The following RPL13A variants were observed in gnomAD, a reference collection of about 807,000 sequenced individuals.
RPL13A encodes large ribosomal subunit protein uL13.
In RPL13A, 4 loss-of-function variants were observed where a neutral mutation model predicts 30.8. That is an observed-to-expected ratio of 0.13 (90% CI 0.06 to 0.30). The LOEUF is 0.30. Ranked by LOEUF, RPL13A falls within the 10% of genes least tolerant of loss-of-function variation. The pLI is 1.00. For synonymous variants in RPL13A, 108 were observed against 104.2 expected (o/e 1.04, Z -0.22); for missense variants, 196 against 272.6 (o/e 0.72, Z 1.98).
chr19:49,490,660 A>G (rs755223422), intron 4 of RPL13A, 84 bp downstream of exon 4: 6 of 1,575,246 alleles, frequency 3.8e-6, no homozygotes, highest in Non-Finnish European at 4.4e-6. Context: ...GAGTTTCCCG[A>G]CCATGAGATG....
rs1267347743 is a variant in RPL13A, at chr19:49,490,489, T to C, written c.169T>C (p.Phe57Leu). 1 of 1,614,200 alleles carries C rather than the reference T, an allele frequency of 6.2e-7. No individual in the cohort carries two copies. The highest frequency in any genetic ancestry group is 1.7e-5 in the Admixed American group (1 of 60,026). The change falls in exon 4 of 8, where the codon TTC (phenylalanine) becomes CTC (leucine). Residue 57 changes from phenylalanine to leucine, a missense_variant. By Grantham distance (22) the Phe-to-Leu change is conservative. Transcript: ENST00000391857. ...CCTCTCCCTAGTGAAGTACCTGGCT[T>C]TCCTCCGCAAGCGGATGAACACCAA... The part of the protein sequence containing the change: ...FYRNKLKYLA[F>L]LRKRMNTNPS...
Position 49,489,937 on chromosome 19 carries a change from G to T in RPL13A, c.88+15G>T, listed in dbSNP as rs368847136. On this transcript the variant is annotated intron_variant, in intron 2 of 7. Transcript: ENST00000391857. ...GGTACTGCTGGGTAAGTCGCTGCTC[G>T]TGGCCCCTCTGTCATGGGCCCCCGC... The T allele has an allele frequency of 2.1e-5, 33 of 1,607,576 alleles. No homozygotes were observed. The highest frequency in any genetic ancestry group is 2.8e-5 in the Non-Finnish European group (33 of 1,174,558).
Position 49,491,580 on chromosome 19 carries a change from C to T in RPL13A, c.525+33C>T. The T allele has an allele frequency of 1.9e-6, 3 of 1,554,850 alleles. No homozygotes were observed. In the South Asian group the frequency reaches 3.5e-5, roughly 18 times the overall value. On this transcript the variant is annotated intron_variant, in intron 7 of 7. Transcript: ENST00000391857. ...CAGGGGCTGGTGCTGAGGGGGGCAT[C>T]TCACTCCTGGACAGGCCTGGCAGGT...
At chr19:49,490,206 C>T (rs143985962) in intron 2 of RPL13A, 26 bp from the exon 3 acceptor site, 4 of 1,612,840 alleles carry the variant, frequency 2.5e-6, no homozygotes, top group South Asian at 2.2e-5. Flanking sequence ...GCGGCTCGGC[C>T]CTGCTAAGCC....
At chr19:49,491,312 T>TA (rs1321445880) in intron 6 of RPL13A, 113 bp from the exon 7 acceptor site, 1 of 1,185,712 alleles carries the variant, frequency 8.4e-7, no homozygotes, top group African/African-American at 1.5e-5. Flanking sequence ...TGCATTATGA[T>TA]ATGCCCAGCT....
At chr19:49,491,188 C>T (rs772802653) in intron 6 of RPL13A, 89 bp downstream of exon 6, 8 of 1,447,336 alleles carry the variant, frequency 5.5e-6, no homozygotes, top group Non-Finnish European at 7.7e-6. Flanking sequence ...AGATGATGTC[C>T]TTATCTCACG....
intron 3 of RPL13A, 29 bp downstream of exon 3, chr19:49,490,326 A>G: frequency 1.2e-6 from 2 of 1,610,804 alleles, no homozygotes; most frequent in East Asian, 2.2e-5. Context: ...GGAGCACTGG[A>G]GAGGGTCTCC....
intron 1 of RPL13A, among the ~76,000 whole-genome samples, chr19:49,489,604 G>A (rs992332103): frequency 2.0e-5 from 3 of 152,220 alleles, no homozygotes; most frequent in African/African-American, 7.2e-5. Context: ...AATACTCATA[G>A]AAGAACTCAG....
In RPL13A at chr19:49,491,891, G is replaced by A. The variant is rs1568689338; in HGVS notation, c.*76G>A. On this transcript the variant is annotated 3_prime_UTR_variant, in exon 8 of 8. Coordinates refer to ENST00000391857, the MANE Select transcript of RPL13A (RefSeq NM_012423.4). Reference sequence around the variant, plus strand: ...GTTGCCCTGGAATGTACGGGACCCAGGGGCAGCAGCAGTCCAGGTGCCACA... The same window carrying A: ...GTTGCCCTGGAATGTACGGGACCCAAGGGCAGCAGCAGTCCAGGTGCCACA... The A allele has an allele frequency of 4.1e-6, 5 of 1,219,268 alleles. No homozygotes were observed. The East Asian group carries it at 7.3e-5, about 18-fold the overall frequency. 75.5% of individuals were successfully genotyped at this position (1,219,268 alleles called of 1,614,324 possible).
chr19:49,490,903 G>A (rs1192184395), intron 5 of RPL13A, 39 bp downstream of exon 5: 3 of 1,611,922 alleles, frequency 1.9e-6, no homozygotes, highest in African/African-American at 2.7e-5. Context: ...GGCCTTACCT[G>A]TGGCGTCCAT....
rs2079862721 is a variant in RPL13A, at chr19:49,491,053, T to C, written c.356T>C (p.Val119Ala). ...TTTCTCTAACAGAAAAAGCGGATGGTGGTTCCTGCTGCCCTCAAGGTCGTG... is the reference window on the plus strand; with the variant it reads ...TTTCTCTAACAGAAAAAGCGGATGGCGGTTCCTGCTGCCCTCAAGGTCGTG... ...PPPYDKKKRM[V>A]VPAALKVVRL... The change falls in exon 6 of 8, where the codon GTG becomes GCG. Residue 119 changes from valine to alanine, a missense_variant. Physicochemically the swap from Val to Ala is moderately conservative, Grantham distance 64 (BLOSUM62 0). Coordinates refer to ENST00000391857, the MANE Select transcript of RPL13A (RefSeq NM_012423.4). The C allele has an allele frequency of 6.2e-7, 1 of 1,614,114 alleles. No individual in the cohort carries two copies. The highest frequency in any genetic ancestry group is 1.7e-5 in the Admixed American group (1 of 60,010).
In RPL13A at chr19:49,491,830, G is replaced by C. The variant is rs748359722; in HGVS notation, c.*15G>C. ...TCCTGGTCTGAGCCCAATAAAGACT[G>C]TTAATTCCTCATGCGTTGCCTGCCC... On this transcript the variant is annotated 3_prime_UTR_variant, in exon 8 of 8. Coordinates refer to ENST00000391857, the MANE Select transcript of RPL13A (RefSeq NM_012423.4). 6.3e-7 allele frequency: 1 copy of C among 1,582,386 alleles called. No individual in the cohort carries two copies. The highest frequency in any genetic ancestry group is 8.6e-7 in the Non-Finnish European group (1 of 1,159,290).
At chr19:49,491,385 TACAACTTCATTTGTTCA>T in intron 6 of RPL13A, 23 bp from the exon 7 acceptor site, 2 of 1,230,766 alleles carry the variant, frequency 1.6e-6, no homozygotes, top group South Asian at 1.2e-5. Context: ...TAGATATCCT[TACAACTTCATTTGTTCA>T]CCCCCCCCCC....
chr19:49,491,353 G>A (rs953357523), intron 6 of RPL13A, 72 bp from the exon 7 acceptor site: 67 of 1,392,706 alleles, frequency 4.8e-5, no homozygotes, highest in Middle Eastern at 2.0e-4. Context: ...CAACAGCTCC[G>A]GCTCTTCAGG....
intron 1 of RPL13A, 134 bp from the exon 2 acceptor site, chr19:49,489,716 C>T: frequency 2.7e-6 from 2 of 752,090 alleles, no homozygotes; most frequent in East Asian, 2.5e-5. Flanking sequence ...GGGCTCCGTG[C>T]ATAGTTCCCA....
In RPL13A at chr19:49,491,718, A is replaced by G; in HGVS notation, c.526-11A>G. On this transcript the variant is annotated splice_polypyrimidine_tract_variant and intron_variant, in intron 7 of 7. Transcript: ENST00000391857. ...CTCCTGACCACCACCACCTGCACTT[A>G]TTCTTGGCAGAGGCTACGGAAACAG... 6.2e-7 allele frequency: 1 copy of G among 1,612,850 alleles called. No homozygotes were observed. Among genetic ancestry groups the G allele is most frequent in the Non-Finnish European group, 8.5e-7 (1 of 1,179,460 alleles).
chr19:49,488,204 C>G (rs901994367), intron 1 of RPL13A, among the ~76,000 whole-genome samples: 2 of 152,142 alleles, frequency 1.3e-5, no homozygotes, highest in African/African-American at 2.4e-5. Flanking sequence ...CTGGAATGAA[C>G]TCGTTTTCCG....
intron 4 of RPL13A, 32 bp downstream of exon 4, chr19:49,490,608 C>G (rs373416109): frequency 1.2e-6 from 2 of 1,607,496 alleles, no homozygotes; most frequent in Admixed American, 1.7e-5. Flanking sequence ...CAGGTGGTGA[C>G]GGGCAGGCGG....
chr19:49,489,744 C>A, intron 1 of RPL13A, 106 bp from the exon 2 acceptor site: 3 of 907,816 alleles, frequency 3.3e-6, no homozygotes, highest in Non-Finnish European at 5.5e-6. Context: ...TGGCTGGGTG[C>A]AAGGCACGCT....
Sources: gnomAD v4.1 joint callset for allele counts (sites outside exome capture counted in the v4.1 genomes callset) on GRCh38, gnomAD v4.1.1 for gene constraint, MANE v1.5 for transcripts, NCBI Gene and HGNC (gene_info 2026-07-23, HGNC 2026-07-21) for gene names.